NDST3: variants seen among roughly 807,000 people sequenced by gnomAD.
NDST3 encodes the protein N-deacetylase and N-sulfotransferase 3, also known as bifunctional heparan sulfate N-deacetylase/N-sulfotransferase 3.
NDST3 carries 58 observed loss-of-function variants against 96.1 expected under a neutral mutation model. The observed-to-expected ratio is 0.60, with a 90% CI of 0.49 to 0.75. The LOEUF (loss-of-function observed/expected upper bound fraction) is 0.75, where lower values mean the gene tolerates loss of function less well. Ranked by LOEUF, NDST3 falls within the 30% of genes least tolerant of loss-of-function variation. The pLI, the probability that NDST3 is intolerant of heterozygous loss-of-function variation, is 0.00. For missense variants in NDST3, 788 were observed against 1,034.2 expected, an observed-to-expected ratio of 0.76 and a Z score of 3.27; for synonymous variants, 333 against 359.7, an observed-to-expected ratio of 0.93 and a Z score of 0.84.
At chr4:118,158,557 T>G (rs1734863589) in intron 6 of NDST3, among the ~76,000 whole-genome samples, 1 of 152,172 alleles carries the variant, frequency 6.6e-6, no homozygotes, top group African/African-American at 2.4e-5. Context: ...CAGACACCAA[T>G]GAAAACAATT....
intron 9 of NDST3, among the ~76,000 whole-genome samples, chr4:118,236,431 G>A (rs913409035): frequency 3.3e-5 from 5 of 152,078 alleles, no homozygotes; most frequent in African/African-American, 1.2e-4. Context: ...TTTATATTTG[G>A]AATGTACATA....
intron 6 of NDST3, among the ~76,000 whole-genome samples, chr4:118,169,388 T>C (rs528974750): frequency 6.6e-6 from 1 of 152,310 alleles, no homozygotes; most frequent in African/African-American, 2.4e-5. Flanking sequence ...TTTAAAAATA[T>C]ACATCTATAA....
chr4:118,230,838 T>C (rs933442113), intron 8 of NDST3, among the ~76,000 whole-genome samples: 27 of 152,318 alleles, frequency 1.8e-4, no homozygotes, highest in African/African-American at 6.0e-4. Flanking sequence ...GAAGACTACC[T>C]CTTTCAATTC....
intron 1 of NDST3, among the ~76,000 whole-genome samples, chr4:118,041,207 G>A (rs1009767085): frequency 6.6e-6 from 1 of 152,060 alleles, no homozygotes; most frequent in Admixed American, 6.6e-5. Flanking sequence ...CTTCCCAGGT[G>A]TATGGTATCT....
At chr4:118,116,657 A>G (rs548427718) in intron 4 of NDST3, among the ~76,000 whole-genome samples, 307 of 152,262 alleles carry the variant, frequency 2.0e-3, no homozygotes, top group African/African-American at 6.9e-3. Flanking sequence ...GGAGATCGAG[A>G]CCATCCTGGC....
intron 6 of NDST3, among the ~76,000 whole-genome samples, chr4:118,195,336 C>T (rs888862103): frequency 2.0e-5 from 3 of 152,140 alleles, no homozygotes; most frequent in Non-Finnish European, 4.4e-5. Flanking sequence ...ATAATGGGGG[C>T]AGTTCCCCCA....
At chr4:118,238,215 G>GAAAA (rs1560738902) in intron 10 of NDST3, among the ~76,000 whole-genome samples, 11 of 120,174 alleles carry the variant, frequency 9.2e-5, no homozygotes, top group Admixed American at 3.3e-4. Context: ...AAGAAAGAAA[G>GAAAA]AAAGAAAGAA....
At chr4:118,161,523 A>G (rs536642338) in intron 6 of NDST3, among the ~76,000 whole-genome samples, 1 of 152,262 alleles carries the variant, frequency 6.6e-6, no homozygotes, top group South Asian at 2.1e-4. Flanking sequence ...GGTGGGCTCC[A>G]CCCAGTTCGA....
chr4:118,148,050 GC>G (rs1257104143), intron 6 of NDST3, among the ~76,000 whole-genome samples: 1 of 152,234 alleles, frequency 6.6e-6, no homozygotes, highest in East Asian at 1.9e-4. Context: ...TGTAATGTCA[GC>G]ACTTTGGGAG....
intron 7 of NDST3, among the ~76,000 whole-genome samples, chr4:118,226,308 T>C (rs633398): frequency 0.29 from 44,849 of 152,070 alleles, 8,123 homozygotes; most frequent in Middle Eastern, 0.43. Context: ...TTCACCCTCA[T>C]TATTCCCTTT....
chr4:118,077,431 T>A (rs1267260988), intron 2 of NDST3, among the ~76,000 whole-genome samples: 1 of 152,228 alleles, frequency 6.6e-6, no homozygotes, highest in Non-Finnish European at 1.5e-5. Flanking sequence ...TGTTAGCAGA[T>A]AGACTCTTGG....
Position 118,059,032 on chromosome 4 carries a change from C to G in NDST3, c.981+4141C>G, listed in dbSNP as rs1290404596. Reference sequence around the variant, plus strand: ...ACTGAACTCCTTGCAGTTGAATACTCTCAATGCATAAAAGAGGTTACATAT... The same window carrying G: ...ACTGAACTCCTTGCAGTTGAATACTGTCAATGCATAAAAGAGGTTACATAT... On this transcript the variant is annotated intron_variant, in intron 2 of 13. Transcript: ENST00000296499. 3.3e-5 allele frequency among the ~76,000 whole-genome samples: 5 copies of G among 152,074 alleles called. No individual in the cohort carries two copies. In the East Asian group the frequency reaches 9.6e-4, roughly 29 times the overall value.
chr4:118,235,932 C>T (rs1278172916), intron 9 of NDST3, among the ~76,000 whole-genome samples: 1 of 152,176 alleles, frequency 6.6e-6, no homozygotes, highest in Non-Finnish European at 1.5e-5. Context: ...ATGTTAACAA[C>T]TGGAATCCTA....
At chr4:118,224,820 G>A (rs1442678027) in intron 7 of NDST3, 147 bp downstream of exon 7, 6 of 651,258 alleles carry the variant, frequency 9.2e-6, no homozygotes, top group Non-Finnish European at 1.5e-5. Flanking sequence ...TTCCTAAACT[G>A]TAGTTGTATA....
At position 118,185,469 on chromosome 4, in the gene NDST3, T is replaced by TTA. The variant is rs1163738348; in HGVS notation, c.1540-39014_1540-39013dup. Among the ~76,000 whole-genome samples, 5 of 149,602 alleles carry TTA rather than the reference T, an allele frequency of 3.3e-5. No individual in the cohort carries two copies. In the East Asian group the frequency reaches 7.8e-4, roughly 23 times the overall value. Reference sequence around the variant, plus strand: ...ATGTATATTATACATTTATTATAAATTATATATATTAATTTTATAACATAC... The same window carrying TTA: ...ATGTATATTATACATTTATTATAAATTATATATATATTAATTTTATAACATAC... On this transcript the variant is annotated intron_variant, in intron 6 of 13. Transcript: ENST00000296499.
chr4:118,055,953 GA>G (rs1319297033), intron 2 of NDST3, among the ~76,000 whole-genome samples: 7 of 151,090 alleles, frequency 4.6e-5, no homozygotes, highest in African/African-American at 1.7e-4. Flanking sequence ...AGACTGAAAA[GA>G]AAAAAAACTT....
rs1385730571 is a variant in NDST3 at position 118,064,750 on chromosome 4, A to G, written c.981+9859A>G. On this transcript the variant is annotated intron_variant, in intron 2 of 13. Coordinates refer to ENST00000296499, the MANE Select transcript of NDST3 (RefSeq NM_004784.3). The stretch of plus-strand genomic sequence containing the variant: ...CAACTTAGTGTCTTAAAACAACCCA[A>G]ATCTGTCATTTTGCATTTCTGAAGG... 4.6e-5 allele frequency among the ~76,000 whole-genome samples: 7 copies of G among 152,186 alleles called. No homozygotes were observed. The East Asian group carries it at 1.4e-3, about 29-fold the overall frequency.
chr4:118,103,025 C>T (rs1425672384), intron 2 of NDST3, among the ~76,000 whole-genome samples: 10 of 151,936 alleles, frequency 6.6e-5, no homozygotes, highest in African/African-American at 1.7e-4. Context: ...GAGGTTAGTT[C>T]GCAGGAACTT....
intron 1 of NDST3, among the ~76,000 whole-genome samples, chr4:118,048,428 G>A (rs1181929127): frequency 3.3e-5 from 5 of 152,068 alleles, no homozygotes; most frequent in Non-Finnish European, 7.4e-5. Context: ...AAGACACAGA[G>A]TGGCAAGCTA....
Sources: gnomAD v4.1 joint callset for allele counts (sites outside exome capture counted in the v4.1 genomes callset) on GRCh38, gnomAD v4.1.1 for gene constraint, MANE v1.5 for transcripts, NCBI Gene and HGNC (gene_info 2026-07-23, HGNC 2026-07-21) for gene names.